Variants in ZNF385D observed in about 807,000 individuals in gnomAD.
ZNF385D encodes the protein zinc finger protein 385D.
A neutral mutation model predicts 35.8 loss-of-function variants in ZNF385D; 15 were observed. The ratio of observed to expected loss-of-function variants is 0.42; its 90% CI spans 0.28 to 0.64. The LOEUF is 0.64. Ranked by LOEUF, ZNF385D falls within the 30% of genes least tolerant of loss-of-function variation. The probability of loss-of-function intolerance (pLI) is 0.23; values close to 1 mark genes in which losing one functional copy is unlikely to be tolerated. For missense variants in ZNF385D, 474 were observed against 494.6 expected (o/e 0.96, Z 0.39); for synonymous variants, 212 against 186.8 (o/e 1.13, Z -1.10).
At position 21,425,568 on chromosome 3, in the gene ZNF385D, T is replaced by C; in HGVS notation, c.776A>G (p.Asn259Ser). ...AAATGTTTTATTTTGGAGGCCTGTGTTTCCTTTATTAACAGGTCCTTTGCC... is the reference window on the plus strand; with the variant it reads ...AAATGTTTTATTTTGGAGGCCTGTGCTTCCTTTATTAACAGGTCCTTTGCC... ...VKGKGPVNKG[N>S]TGLQNKTFHC... Residue 259 changes from asparagine to serine, a missense_variant, in exon 6 of 8, where the codon AAC becomes AGC. Physicochemically the swap from Asn to Ser is conservative, Grantham distance 46. Coordinates refer to ENST00000281523, the MANE Select transcript of ZNF385D (RefSeq NM_024697.3). The C allele has an allele frequency of 6.2e-7, 1 of 1,612,262 alleles. No individual in the cohort carries two copies. Among genetic ancestry groups the C allele is most frequent in the East Asian group, 2.2e-5 (1 of 44,802 alleles).
At chr3:21,775,816 C>T (rs964336113) in intron 3 of ZNF385D, among the ~76,000 whole-genome samples, 3 of 151,682 alleles carry the variant, frequency 2.0e-5, no homozygotes, top group African/African-American at 7.3e-5. Context: ...ACATTTCTTT[C>T]TAGAGCTCAT....
intron 2 of ZNF385D, among the ~76,000 whole-genome samples, chr3:21,616,186 A>T (rs1417827752): frequency 1.2e-4 from 19 of 152,204 alleles, no homozygotes; most frequent in Admixed American, 1.2e-3. Context: ...TCATATAATG[A>T]TAATGTACAC....
intron 3 of ZNF385D, among the ~76,000 whole-genome samples, chr3:22,164,217 T>TG (rs1491132555): frequency 2.8e-5 from 1 of 36,334 alleles, no homozygotes; most frequent in Non-Finnish European, 4.7e-5. Flanking sequence ...AAAGGAGCAC[T>TG]TTTTTTTTTT....
rs1482923996 is a variant in ZNF385D, at chr3:22,184,892, T to C, written c.107-15857A>G. On this transcript the variant is annotated intron_variant, in intron 2 of 5. Transcript: ENST00000494108. ...TGTTATAGATTTGTGGCTCCATAGA[T>C]ACCTGTTTTTAAAATTTGTAGTGAT... Among the ~76,000 whole-genome samples the C allele has an allele frequency of 2.6e-5, 4 of 152,308 alleles. No homozygotes were observed. In the East Asian group the frequency reaches 7.7e-4, roughly 29 times the overall value.
At chr3:22,245,946 A>C (rs116184542) in intron 2 of ZNF385D, among the ~76,000 whole-genome samples, 133 of 152,200 alleles carry the variant, frequency 8.7e-4, no homozygotes, top group African/African-American at 3.2e-3. Context: ...TCATGGCTTA[A>C]TCTGAGCTCC....
chr3:21,510,767 G>T, intron 4 of ZNF385D, 94 bp downstream of exon 4: 1 of 1,474,526 alleles, frequency 6.8e-7, no homozygotes, highest in Non-Finnish European at 9.3e-7. Flanking sequence ...AATCAATATG[G>T]CAGGCACATA....
chr3:21,591,495 ATGAT>A (rs1194308127), intron 2 of ZNF385D, among the ~76,000 whole-genome samples: 5 of 152,180 alleles, frequency 3.3e-5, no homozygotes, highest in Non-Finnish European at 5.9e-5. Context: ...GTTGATTATA[ATGAT>A]TAATTACTAT....
chr3:22,113,700 A>G (rs536719147), intron 3 of ZNF385D, among the ~76,000 whole-genome samples: 11 of 152,068 alleles, frequency 7.2e-5, no homozygotes, highest in Non-Finnish European at 1.5e-4. Flanking sequence ...TTGACCAAAT[A>G]CAAAAAAGAT....
intron 2 of ZNF385D, among the ~76,000 whole-genome samples, chr3:21,660,111 GTCTC>G (rs762469936): frequency 6.9e-6 from 1 of 145,880 alleles, no homozygotes; most frequent in African/African-American, 2.5e-5. Flanking sequence ...CTCTCTCTCT[GTCTC>G]TCTCTCTTTA....
At chr3:22,096,772 T>C (rs1393619496) in intron 3 of ZNF385D, among the ~76,000 whole-genome samples, 1 of 152,044 alleles carries the variant, frequency 6.6e-6, no homozygotes, top group Non-Finnish European at 1.5e-5. Context: ...AACTAGAAAA[T>C]GACTAGTATT....
At chr3:22,180,914 C>CTTTTGTTCTTTTTTTTTTTTTTTTTTT (rs1695209879) in intron 2 of ZNF385D, among the ~76,000 whole-genome samples, 5 of 113,004 alleles carry the variant, frequency 4.4e-5, no homozygotes, top group African/African-American at 2.1e-4. Flanking sequence ...TGCTTTTGTT[C>CTTTTGTTCTTTTTTTTTTTTTTTTTTT]TTTTTTTTTT....
At chr3:22,124,629 T>TA (rs905145064) in intron 3 of ZNF385D, among the ~76,000 whole-genome samples, 23 of 152,168 alleles carry the variant, frequency 1.5e-4, no homozygotes, top group African/African-American at 5.1e-4. Flanking sequence ...TAGGGTGAGG[T>TA]AATATATCGC....
At chr3:21,843,400 T>A (rs921489817) in intron 3 of ZNF385D, among the ~76,000 whole-genome samples, 2 of 151,956 alleles carry the variant, frequency 1.3e-5, no homozygotes, top group African/African-American at 4.8e-5. Flanking sequence ...TCCCTGAGGA[T>A]ATGTTTCAGC....
intron 2 of ZNF385D, among the ~76,000 whole-genome samples, chr3:22,184,969 CT>C (rs1695530806): frequency 6.6e-6 from 1 of 151,718 alleles, no homozygotes; most frequent in African/African-American, 2.4e-5. Flanking sequence ...CTGCCTTGTC[CT>C]GAGTTTTTAG....
intron 3 of ZNF385D, among the ~76,000 whole-genome samples, chr3:21,818,304 A>C (rs1247694225): frequency 6.6e-6 from 1 of 152,226 alleles, no homozygotes; most frequent in Admixed American, 6.5e-5. Context: ...CGTTGTGCAT[A>C]TGTACTCTAG....
chr3:22,131,172 A>T (rs945718250), intron 3 of ZNF385D, among the ~76,000 whole-genome samples: 1 of 152,182 alleles, frequency 6.6e-6, no homozygotes, highest in Admixed American at 6.5e-5. Flanking sequence ...CAGCACTCCA[A>T]CATTTAGAAG....
chr3:21,450,829 C>A (rs1440412400), intron 4 of ZNF385D, among the ~76,000 whole-genome samples: 1 of 152,078 alleles, frequency 6.6e-6, no homozygotes, highest in African/African-American at 2.4e-5. Flanking sequence ...TTTAAAACTT[C>A]AGAAAAATTC....
intron 3 of ZNF385D, among the ~76,000 whole-genome samples, chr3:21,916,931 G>A (rs1297752296): frequency 2.0e-5 from 3 of 152,094 alleles, no homozygotes; most frequent in Admixed American, 6.6e-5. Context: ...TCTGTATGTC[G>A]ATTAGCGTTA....
intron 3 of ZNF385D, among the ~76,000 whole-genome samples, chr3:22,141,318 C>G (rs960717479): frequency 6.6e-6 from 1 of 152,104 alleles, no homozygotes; most frequent in Non-Finnish European, 1.5e-5. Flanking sequence ...AGAACATATT[C>G]TCTTTCTCCT....
Sources: allele counts gnomAD v4.1 joint callset (sites outside exome capture counted in the v4.1 genomes callset), GRCh38; gene constraint gnomAD v4.1.1; transcripts MANE v1.5; gene names NCBI Gene and HGNC (gene_info 2026-07-23, HGNC 2026-07-21).